CYP20A1: variants seen among roughly 807,000 people sequenced by gnomAD.
The protein encoded by CYP20A1 is cytochrome P450 20A1.
A neutral mutation model predicts 61.4 loss-of-function variants in CYP20A1; 61 were observed. That is an observed-to-expected ratio of 0.99 (90% CI 0.81 to 1.23). The LOEUF (loss-of-function observed/expected upper bound fraction) is 1.23, where lower values mean the gene tolerates loss of function less well. Among genes scored for constraint, CYP20A1 ranks in the 50% most tolerant of loss-of-function variants. The probability of loss-of-function intolerance (pLI) is 0.00; values close to 1 mark genes in which losing one functional copy is unlikely to be tolerated. For missense variants in CYP20A1, 530 were observed against 542.4 expected (o/e 0.98, Z 0.23); for synonymous variants, 193 against 188.2 (o/e 1.03, Z -0.21).
At chr2:203,253,291 G>T (rs188059726) in intron 4 of CYP20A1, among the ~76,000 whole-genome samples, 93 of 152,282 alleles carry the variant, frequency 6.1e-4, no homozygotes, top group Non-Finnish European at 1.1e-3. Context: ...GGGTAGGGGC[G>T]CCAGGTCAGG....
intron 6 of CYP20A1, among the ~76,000 whole-genome samples, chr2:203,275,255 A>G (rs574450696): frequency 6.6e-6 from 1 of 152,212 alleles, no homozygotes; most frequent in Non-Finnish European, 1.5e-5. Flanking sequence ...TTTGCTACAC[A>G]TTGAATCTTT....
At chr2:203,262,007 C>T (rs549469521) in intron 4 of CYP20A1, among the ~76,000 whole-genome samples, 1 of 152,206 alleles carries the variant, frequency 6.6e-6, no homozygotes, top group Non-Finnish European at 1.5e-5. Context: ...ATGGGGGAAG[C>T]TGCTGACTGC....
intron 4 of CYP20A1, 107 bp downstream of exon 4, chr2:203,252,216 T>A: frequency 1.2e-6 from 1 of 822,454 alleles, no homozygotes; most frequent in Non-Finnish European, 1.7e-6. Flanking sequence ...TTCCTGTCCC[T>A]CTAAGCTAAT....
At chr2:203,250,772 G>A (rs1055554820) in intron 3 of CYP20A1, among the ~76,000 whole-genome samples, 11 of 152,148 alleles carry the variant, frequency 7.2e-5, no homozygotes, top group African/African-American at 2.7e-4. Flanking sequence ...GTTAAGAAAT[G>A]ATAACAGCTA....
At position 203,300,665 on chromosome 2, in the gene CYP20A1, A is replaced by G. The variant is rs1031824828; in HGVS notation, c.*3757A>G. ...AGCTCTTTGGGAGGCCAAGGCGGGTAAATCACCTGAGGTTGGGAGTTTGAG... is the reference window on the plus strand; with the variant it reads ...AGCTCTTTGGGAGGCCAAGGCGGGTGAATCACCTGAGGTTGGGAGTTTGAG... On this transcript the variant is annotated 3_prime_UTR_variant, in exon 13 of 13. Transcript: ENST00000356079. Among the ~76,000 whole-genome samples, 4 of 151,946 alleles carry G rather than the reference A, an allele frequency of 2.6e-5. No individual in the cohort carries two copies. Among genetic ancestry groups the G allele is most frequent in the Admixed American group, 2.6e-4 (4 of 15,200 alleles).
At chr2:203,285,783 T>C (rs762194462) in intron 9 of CYP20A1, 51 bp downstream of exon 9, 6 of 1,435,592 alleles carry the variant, frequency 4.2e-6, no homozygotes. Context: ...TTTGAACTGG[T>C]TTATCTAATT....
intron 3 of CYP20A1, among the ~76,000 whole-genome samples, chr2:203,247,783 G>A (rs1345646827): frequency 6.6e-6 from 1 of 152,090 alleles, no homozygotes; most frequent in African/African-American, 2.4e-5. Context: ...CTTGAACCTG[G>A]GAGGCAGAGG....
chr2:203,298,486 G>A lies in CYP20A1; in HGVS notation c.*1578G>A, dbSNP rs746054890. On this transcript the variant is annotated 3_prime_UTR_variant, in exon 13 of 13. Transcript: ENST00000356079. The stretch of plus-strand genomic sequence containing the variant: ...GTGGATCAATTGAGGTCAGGTGTTC[G>A]AGACCAGCCAGGCCAACTTGGTGAA... 6.2e-5 allele frequency among the ~76,000 whole-genome samples: 9 copies of A among 145,650 alleles called. No individual in the cohort carries two copies. The highest frequency in any genetic ancestry group is 8.9e-5 in the Non-Finnish European group (6 of 67,208).
intron 5 of CYP20A1, 22 bp downstream of exon 5, chr2:203,266,703 A>T (rs2067336868): frequency 6.2e-7 from 1 of 1,608,102 alleles, no homozygotes; most frequent in African/African-American, 1.3e-5. Context: ...GCTAAATTTA[A>T]AATTACTCTT....
intron 3 of CYP20A1, among the ~76,000 whole-genome samples, chr2:203,251,351 A>C (rs1202975782): frequency 6.6e-6 from 1 of 151,802 alleles, no homozygotes; most frequent in Non-Finnish European, 1.5e-5. Context: ...TTTTTAAAAA[A>C]ATTTGAAGAC....
chr2:203,239,053 C>T lies in CYP20A1; in HGVS notation c.-10C>T, dbSNP rs758195679. On this transcript the variant is annotated 5_prime_UTR_variant, in exon 1 of 13. Transcript: ENST00000356079. ...CCGATCCGAGACGTGGCTCCCTGGG[C>T]GGCAGAACCATGTTGGACTTCGCGA... The T allele has an allele frequency of 6.2e-6, 10 of 1,613,088 alleles. No individual in the cohort carries two copies. The highest frequency in any genetic ancestry group is 1.1e-5 in the South Asian group (1 of 91,068).
rs1256785118 is a variant in CYP20A1, at chr2:203,301,026, A to C, written c.*4118A>C. Reference sequence around the variant, plus strand: ...AGCCTGACCAACATGGAGAAACTTCATCTCTACTAAAAATACAAAATTAGC... The same window carrying C: ...AGCCTGACCAACATGGAGAAACTTCCTCTCTACTAAAAATACAAAATTAGC... On this transcript the variant is annotated 3_prime_UTR_variant, in exon 13 of 13. Coordinates refer to ENST00000356079, the MANE Select transcript of CYP20A1 (RefSeq NM_177538.3). 8.6e-5 allele frequency among the ~76,000 whole-genome samples: 13 copies of C among 151,456 alleles called. No homozygotes were observed. Among genetic ancestry groups the C allele is most frequent in the Admixed American group, 8.6e-4 (13 of 15,170 alleles).
At chr2:203,283,185 C>A (rs1215354645) in intron 8 of CYP20A1, among the ~76,000 whole-genome samples, 1 of 150,390 alleles carries the variant, frequency 6.6e-6, no homozygotes, top group Admixed American at 6.7e-5. Context: ...TAAAAAAAAA[C>A]CCACAAACCA....
In CYP20A1 at chr2:203,299,869, C is replaced by T. The variant is rs76373947; in HGVS notation, c.*2961C>T. 1.3e-5 allele frequency among the ~76,000 whole-genome samples: 2 copies of T among 151,378 alleles called. No homozygotes were observed. The highest frequency in any genetic ancestry group is 2.1e-4 in the South Asian group (1 of 4,804). The stretch of plus-strand genomic sequence containing the variant: ...AGCCTGGGCAACAAGAGTGAAACTC[C>T]GTCTCAAAAAAAAAAGAAAAATTCT... On this transcript the variant is annotated 3_prime_UTR_variant, in exon 13 of 13. Coordinates refer to ENST00000356079, the MANE Select transcript of CYP20A1 (RefSeq NM_177538.3).
At chr2:203,269,746 G>C (rs995031766) in intron 5 of CYP20A1, among the ~76,000 whole-genome samples, 2 of 151,496 alleles carry the variant, frequency 1.3e-5, no homozygotes, top group Non-Finnish European at 2.9e-5. Context: ...CACCTGCCTC[G>C]GCCTCCCAAA....
rs72938348 is a variant in CYP20A1, at chr2:203,285,801, A to G, written c.971+69A>G. ...GAACTGGTTTATCTAATTTAAAGCT[A>G]TTGTTGCTATCTAGGAAAGCTACAT... On this transcript the variant is annotated intron_variant, in intron 9 of 12. Coordinates refer to ENST00000356079, the MANE Select transcript of CYP20A1 (RefSeq NM_177538.3). 2.9e-3 allele frequency: 3,985 copies of G among 1,351,632 alleles called. 11 individuals carry two copies. The highest frequency in any genetic ancestry group is 3.7e-3 in the Non-Finnish European group (3,743 of 1,024,498). The allele number at this position is 1,351,632 out of a possible 1,614,324, so 83.7% of individuals were successfully genotyped here. A position where few individuals can be genotyped will look rare whatever the true frequency, so the allele number is the denominator to read the frequency against.
chr2:203,259,416 T>A (rs2067042645), intron 4 of CYP20A1, among the ~76,000 whole-genome samples: 1 of 152,016 alleles, frequency 6.6e-6, no homozygotes, highest in Non-Finnish European at 1.5e-5. Flanking sequence ...ATCCTCACGG[T>A]AGTGAATTCT....
Position 203,266,573 on chromosome 2 carries a change from C to T in CYP20A1, c.492C>T (p.Leu164=), listed in dbSNP as rs1013925220. 1.2e-6 allele frequency: 2 copies of T among 1,613,956 alleles called. No homozygotes were observed. Among genetic ancestry groups the T allele is most frequent in the Non-Finnish European group, 8.5e-7 (1 of 1,179,844 alleles). ...ACCCAGAGACCCAGCACGTGCCCCT[C>T]AGCCAGCATATGCTTGGTTTTGCTA... The part of the protein sequence containing the change: ...LSYPETQHVP[L]SQHMLGFAMK... Residue 164 remains leucine (L), a synonymous_variant, in exon 5 of 13, where the codon CTC becomes CTT. Coordinates refer to ENST00000356079, the MANE Select transcript of CYP20A1 (RefSeq NM_177538.3).
At chr2:203,257,627 A>C (rs2066942128) in intron 4 of CYP20A1, among the ~76,000 whole-genome samples, 1 of 151,992 alleles carries the variant, frequency 6.6e-6, no homozygotes, top group South Asian at 2.1e-4. Context: ...GTCTCTACTA[A>C]AAATACAAAA....
Sources: gnomAD v4.1 joint callset for allele counts (sites outside exome capture counted in the v4.1 genomes callset) on GRCh38, gnomAD v4.1.1 for gene constraint, MANE v1.5 for transcripts, NCBI Gene and HGNC (gene_info 2026-07-23, HGNC 2026-07-21) for gene names.